The following ACACB variants were observed in gnomAD, a reference collection of about 807,000 sequenced individuals.
ACACB encodes the protein acetyl-CoA carboxylase 2.
In ACACB, 209 loss-of-function variants were observed where a neutral mutation model predicts 278.8. The observed-to-expected ratio is 0.75, with a 90% CI of 0.67 to 0.84. The LOEUF is 0.84. Among genes scored for constraint, ACACB ranks in the 40% least tolerant of loss-of-function variants. The probability of loss-of-function intolerance (pLI) is 0.00; values close to 1 mark genes in which losing one functional copy is unlikely to be tolerated. For missense variants in ACACB, 2,850 were observed against 3,269.0 expected, an observed-to-expected ratio of 0.87 and a Z score of 3.13; for synonymous variants, 1,174 against 1,285.6, an observed-to-expected ratio of 0.91 and a Z score of 1.86.
intron 39 of ACACB, 129 bp from the exon 40 acceptor site, chr12:109,247,477 A>T: frequency 2.9e-6 from 2 of 690,140 alleles, no homozygotes; most frequent in Non-Finnish European, 5.2e-6. Context: ...GAGATGTGTT[A>T]ATGTGTCATT....
At chr12:109,238,011 C>T (rs1025877431) in intron 34 of ACACB, among the ~76,000 whole-genome samples, 1 of 61,348 alleles carries the variant, frequency 1.6e-5, no homozygotes, top group Admixed American at 1.8e-4. Context: ...GACCCTATCA[C>T]AAAAAAAAAA....
At chr12:109,194,186 T>TG (rs1288148966) in intron 16 of ACACB, among the ~76,000 whole-genome samples, 7 of 147,268 alleles carry the variant, frequency 4.8e-5, no homozygotes, top group South Asian at 2.1e-4. Flanking sequence ...TCTGTTTTTT[T>TG]TTTTTGTTGT....
Position 109,248,657 on chromosome 12 carries a change from C to T in ACACB, c.5669+954C>T, listed in dbSNP as rs763486628. Among the ~76,000 whole-genome samples, 8 of 152,252 alleles carry T rather than the reference C, an allele frequency of 5.3e-5. No homozygotes were observed. The East Asian group carries it at 5.8e-4, about 11-fold the overall frequency. ...CCTTCTTTCACCTGCTTTTTCTAGC[C>T]GCGCTGGCAGCTGGATGACTGGATG... On this transcript the variant is annotated intron_variant, in intron 40 of 52. Transcript: ENST00000338432.
At chr12:109,210,130 T>TGTGTGTATATATGTATATATACACAC (rs2045695161) in intron 21 of ACACB, among the ~76,000 whole-genome samples, 1 of 95,048 alleles carries the variant, frequency 1.1e-5, no homozygotes, top group Non-Finnish European at 2.2e-5. Context: ...CGTACATGTA[T>TGTGTGTATATATGTATATATACACAC]GTGTGTATAT....
At chr12:109,235,925 G>A (rs773240801) in intron 33 of ACACB, 4 of 374,096 alleles carry the variant, frequency 1.1e-5, no homozygotes, top group Non-Finnish European at 1.9e-5. Flanking sequence ...CTTGAACCTG[G>A]GAAATAGAGG....
intron 35 of ACACB, 115 bp downstream of exon 35, chr12:109,240,100 G>T: frequency 8.0e-7 from 1 of 1,244,326 alleles, no homozygotes; most frequent in South Asian, 1.5e-5. Flanking sequence ...GAAACCATGC[G>T]TATCTGAGCC....
At chr12:109,265,757 T>A (rs376065307) in intron 52 of ACACB, among the ~76,000 whole-genome samples, 9 of 152,088 alleles carry the variant, frequency 5.9e-5, no homozygotes, top group African/African-American at 1.7e-4. Flanking sequence ...GAAGGCCGTG[T>A]GAGATGCTTC....
Position 109,258,167 on chromosome 12 carries a change from AAG to A in ACACB, c.6264-98_6264-97del. On this transcript the variant is annotated intron_variant, in intron 45 of 52. Transcript: ENST00000338432. ...CAATAAAATAATCCGCCAGATTAAA[AAG>A]AGCATTCTCCTCCACGTGCCCTCAC... 3 of 770,498 alleles carry A rather than the reference AAG, an allele frequency of 3.9e-6. No homozygotes were observed. The South Asian group carries it at 5.6e-5, about 14-fold the overall frequency. The allele number at this position is 770,498 out of a possible 1,614,324, so 47.7% of individuals were successfully genotyped here.
At chr12:109,153,756 G>A (rs556171006) in intron 2 of ACACB, among the ~76,000 whole-genome samples, 1 of 152,198 alleles carries the variant, frequency 6.6e-6, no homozygotes, top group South Asian at 2.1e-4. Flanking sequence ...TCCGCCTCTC[G>A]GGTTTTAGTG....
At chr12:109,166,753 G>A in intron 2 of ACACB, 108 bp from the exon 3 acceptor site, 2 of 1,413,002 alleles carry the variant, frequency 1.4e-6, no homozygotes, top group South Asian at 2.5e-5. Context: ...AAAGCAGGGG[G>A]GCTCTGGTGC....
At chr12:109,117,018 TTC>T (rs1296140054) in intron 1 of ACACB, among the ~76,000 whole-genome samples, 17 of 151,824 alleles carry the variant, frequency 1.1e-4, no homozygotes, top group Non-Finnish European at 2.5e-4. Context: ...AGGAATAGTA[TTC>T]TGTTTCTGTT....
intron 24 of ACACB, among the ~76,000 whole-genome samples, chr12:109,221,899 G>GC (rs2046174667): frequency 6.7e-6 from 1 of 149,712 alleles, no homozygotes; most frequent in African/African-American, 2.5e-5. Context: ...TTTTTTGGGG[G>GC]GGAGACAGAG....
At chr12:109,262,212 C>T (rs2047396616) in intron 48 of ACACB, 145 bp from the exon 49 acceptor site, 1 of 618,196 alleles carries the variant, frequency 1.6e-6, no homozygotes, top group East Asian at 2.8e-5. Flanking sequence ...TGTCTAAGGG[C>T]ACACAGCATG....
chr12:109,160,844 G>T lies in ACACB; in HGVS notation c.654-6017G>T, dbSNP rs532591303. On this transcript the variant is annotated intron_variant, in intron 2 of 52. Coordinates refer to ENST00000338432, the MANE Select transcript of ACACB (RefSeq NM_001093.4). ...GGGCTTGTGGCCTGCCTGATGGAGG[G>T]GCTCTGTCACCAGTTTCGAAATCAA... is the stretch of plus-strand genomic sequence containing the variant. Among the ~76,000 whole-genome samples the T allele has an allele frequency of 2.6e-5, 4 of 152,334 alleles. 1 individual carries two copies. Among genetic ancestry groups the T allele is most frequent in the African/African-American group, 9.6e-5 (4 of 41,572 alleles).
At chr12:109,164,529 G>A (rs1235594880) in intron 2 of ACACB, among the ~76,000 whole-genome samples, 1 of 152,028 alleles carries the variant, frequency 6.6e-6, no homozygotes, top group Non-Finnish European at 1.5e-5. Flanking sequence ...ACCATGCCTG[G>A]CCCTTCCTAG....
Position 109,197,126 on chromosome 12 carries a change from C to CCA in ACACB, c.2602_2603dup (p.Tyr869ProfsTer3). On this transcript the variant is annotated frameshift_variant, in exon 17 of 53. Transcript: ENST00000338432. LOFTEE classifies it high-confidence loss of function. ...CTCTCCTACAATGGGAACAGCTACA[C>CCA]CACCTACATGAAGGAAGAGGTTGAC... The CCA allele has an allele frequency of 1.9e-6, 3 of 1,605,198 alleles. No homozygotes were observed. The highest frequency in any genetic ancestry group is 2.2e-5 in the South Asian group (2 of 89,418).
At chr12:109,179,577 CCTG>C (rs2044394559) in intron 10 of ACACB, among the ~76,000 whole-genome samples, 1 of 152,158 alleles carries the variant, frequency 6.6e-6, no homozygotes, top group Non-Finnish European at 1.5e-5. Context: ...GCCTGTAACT[CCTG>C]GGCTCAAGTG....
At chr12:109,259,648 G>A (rs982821668) in intron 47 of ACACB, among the ~76,000 whole-genome samples, 2 of 152,112 alleles carry the variant, frequency 1.3e-5, no homozygotes, top group Non-Finnish European at 2.9e-5. Context: ...GTCACACCAT[G>A]AGGTGCAGGT....
At chr12:109,188,586 A>ATG (rs896202343) in intron 13 of ACACB, among the ~76,000 whole-genome samples, 3 of 151,462 alleles carry the variant, frequency 2.0e-5, no homozygotes, top group Admixed American at 6.6e-5. Flanking sequence ...CCTTTAAGAA[A>ATG]TGAAACGGTC....
Sources: allele counts gnomAD v4.1 joint callset (sites outside exome capture counted in the v4.1 genomes callset), GRCh38; gene constraint gnomAD v4.1.1; transcripts MANE v1.5; gene names NCBI Gene and HGNC (gene_info 2026-07-23, HGNC 2026-07-21).